Variants in CBFA2T3 observed in about 807,000 individuals in gnomAD.
CBFA2T3 encodes transcriptional corepressor CBFA2T3.
A neutral mutation model predicts 58.6 loss-of-function variants in CBFA2T3; 31 were observed. The observed-to-expected ratio is 0.53, with a 90% CI of 0.40 to 0.71. CBFA2T3 has a LOEUF of 0.71. Ranked by LOEUF, CBFA2T3 falls within the 30% of genes least tolerant of loss-of-function variation. CBFA2T3 has a pLI of 0.00. For missense variants in CBFA2T3, 1,076 were observed against 963.1 expected (o/e 1.12, Z -1.55); for synonymous variants, 531 against 421.9 (o/e 1.26, Z -3.17).
intron 10 of CBFA2T3, chr16:88,879,682 G>A (rs1968987993): frequency 1.9e-6 from 1 of 525,948 alleles, no homozygotes; most frequent in Non-Finnish European, 3.4e-6. Flanking sequence ...TGCCTGTGCA[G>A]ACAAGTGCAT....
intron 1 of CBFA2T3, among the ~76,000 whole-genome samples, chr16:88,929,189 T>G (rs1000181784): frequency 9.9e-5 from 15 of 152,082 alleles, no homozygotes; most frequent in Non-Finnish European, 1.6e-4. Flanking sequence ...TAACTGTTTG[T>G]GGAATCAAAC....
intron 1 of CBFA2T3, among the ~76,000 whole-genome samples, chr16:88,913,207 C>T (rs1296830713): frequency 6.6e-6 from 1 of 152,270 alleles, no homozygotes; most frequent in Non-Finnish European, 1.5e-5. Flanking sequence ...CACTAGCCCT[C>T]TGTGGAGCCC....
chr16:88,877,016 G>T lies in CBFA2T3; in HGVS notation c.1922C>A (p.Ser641Tyr), dbSNP rs1280712947. 1 of 1,478,938 alleles carries T rather than the reference G, an allele frequency of 6.8e-7. No individual in the cohort carries two copies. The highest frequency in any genetic ancestry group is 2.5e-5 in the East Asian group (1 of 39,576). The allele number at this position is 1,478,938 out of a possible 1,614,324, so 91.6% of individuals were successfully genotyped here. Residue 641 changes from serine (S) to tyrosine (Y), a missense_variant, in exon 12 of 12, where the codon TCC becomes TAC. Coordinates refer to ENST00000268679, the MANE Select transcript of CBFA2T3 (RefSeq NM_005187.6). ...GTCCAGTGGGCCAGGTGGGCTGGGG[G>T]AGCCGGGGCGAGAAGGCCCCGCAGA... is the stretch of plus-strand genomic sequence containing the variant. ...AGSAGPSRPG[S>Y]PSPPGPLDTV... is the part of the protein sequence containing the mutation.
chr16:88,963,393 C>A (rs1306958433), intron 1 of CBFA2T3, among the ~76,000 whole-genome samples: 1 of 150,656 alleles, frequency 6.6e-6, no homozygotes, highest in African/African-American at 2.4e-5. Flanking sequence ...ATAAACAGAA[C>A]ATAAAATTTA....
chr16:88,952,243 G>A (rs962235392), intron 1 of CBFA2T3, among the ~76,000 whole-genome samples: 9 of 152,336 alleles, frequency 5.9e-5, no homozygotes, highest in Admixed American at 3.9e-4. Context: ...TGACAAAGCC[G>A]TCTATCATTG....
chr16:88,882,665 T>C lies in CBFA2T3; in HGVS notation c.1203+11A>G. 2.6e-6 allele frequency: 4 copies of C among 1,555,622 alleles called. No homozygotes were observed. Among genetic ancestry groups the C allele is most frequent in the Non-Finnish European group, 3.5e-6 (4 of 1,143,602 alleles). ...ATGGCTGTGTGGGCGTGGCTGTGTG[T>C]GGACACTCACGTTGTTGAGGTGCTT... On this transcript the variant is annotated intron_variant, in intron 8 of 11. Transcript: ENST00000268679.
chr16:88,902,052 C>T (rs753028107), intron 1 of CBFA2T3, among the ~76,000 whole-genome samples: 2 of 152,224 alleles, frequency 1.3e-5, no homozygotes, highest in Non-Finnish European at 2.9e-5. Context: ...AGCCTCTTCC[C>T]CCAGTCCTGA....
At chr16:88,952,486 T>C (rs573653358) in intron 1 of CBFA2T3, among the ~76,000 whole-genome samples, 30 of 151,908 alleles carry the variant, frequency 2.0e-4, no homozygotes, top group Admixed American at 4.6e-4. Flanking sequence ...CCAGTCCTTC[T>C]CCCACGGGGC....
At chr16:88,967,837 C>T (rs1240945033) in intron 1 of CBFA2T3, among the ~76,000 whole-genome samples, 1 of 152,218 alleles carries the variant, frequency 6.6e-6, no homozygotes, top group African/African-American at 2.4e-5. Context: ...ACGCCCCCTG[C>T]CCCGGAGCAG....
At chr16:88,878,918 T>A (rs907851024) in intron 11 of CBFA2T3, among the ~76,000 whole-genome samples, 1 of 152,094 alleles carries the variant, frequency 6.6e-6, no homozygotes, top group South Asian at 2.1e-4. Context: ...AGCAACAAGA[T>A]CACTTCAGTC....
intron 2 of CBFA2T3, 97 bp from the exon 3 acceptor site, chr16:88,898,249 A>G: frequency 2.1e-6 from 2 of 956,814 alleles, no homozygotes; most frequent in Non-Finnish European, 3.3e-6. Context: ...TACTTCTCAG[A>G]GTGATTTTTG....
In CBFA2T3 at chr16:88,977,145, T is replaced by G; in HGVS notation, c.-338A>C. On this transcript the variant is annotated 5_prime_UTR_variant, in exon 1 of 12. Transcript: ENST00000268679. ...GGAGGCCTGCAGCTGCGCCCGCCAC[T>G]TCCCTGACAGGAACCATCTGGGGCC... The G allele has an allele frequency of 3.2e-6, 1 of 310,166 alleles. No homozygotes were observed. The highest frequency in any genetic ancestry group is 6.1e-6 in the Non-Finnish European group (1 of 164,552). 19.2% of individuals were successfully genotyped at this position (310,166 alleles called of 1,614,324 possible). A position where few individuals can be genotyped will look rare whatever the true frequency, so the allele number is the denominator to read the frequency against.
At chr16:88,905,217 C>G (rs1597704527) in intron 1 of CBFA2T3, among the ~76,000 whole-genome samples, 1 of 152,070 alleles carries the variant, frequency 6.6e-6, no homozygotes, top group Non-Finnish European at 1.5e-5. Context: ...TCGTCTCTCT[C>G]CTGCTTAATA....
intron 1 of CBFA2T3, among the ~76,000 whole-genome samples, chr16:88,948,525 G>A (rs531487520): frequency 8.5e-5 from 13 of 152,328 alleles, no homozygotes; most frequent in Non-Finnish European, 1.8e-4. Flanking sequence ...AGACCCTCCC[G>A]GAGGCAGGGA....
At chr16:88,974,068 T>C (rs1972726035) in intron 1 of CBFA2T3, among the ~76,000 whole-genome samples, 1 of 152,154 alleles carries the variant, frequency 6.6e-6, no homozygotes, top group African/African-American at 2.4e-5. Context: ...CACATGGCAC[T>C]GAAACTTCTC....
In CBFA2T3 at chr16:88,961,941, G is replaced by A. The variant is rs181846442; in HGVS notation, c.151+14716C>T. ...TGGGCATTCCCACTCCATAGTAACC[G>A]ACACTCAGCGCTGGGCATTCCCACT... On this transcript the variant is annotated intron_variant, in intron 1 of 11. Coordinates refer to ENST00000268679, the MANE Select transcript of CBFA2T3 (RefSeq NM_005187.6). Among the ~76,000 whole-genome samples, 22 of 144,376 alleles carry A rather than the reference G, an allele frequency of 1.5e-4. No homozygotes were observed. In the East Asian group the frequency reaches 3.5e-3, roughly 23 times the overall value. The allele number at this position is 144,376 out of a possible 152,430, so 94.7% of individuals were successfully genotyped here. A position where few individuals can be genotyped will look rare whatever the true frequency, so the allele number is the denominator to read the frequency against.
chr16:88,881,257 G>C (rs142010820), intron 9 of CBFA2T3, 34 bp downstream of exon 9: 18,091 of 1,568,674 alleles, frequency 0.012, 140 homozygotes, highest in East Asian at 0.026. Flanking sequence ...AGAGCACCCC[G>C]TGTCTGCTCC....
chr16:88,933,265 T>A (rs954711236), intron 1 of CBFA2T3, among the ~76,000 whole-genome samples: 5 of 151,996 alleles, frequency 3.3e-5, no homozygotes, highest in African/African-American at 4.8e-5. Context: ...CGCCTCACAG[T>A]GCCACACGTC....
At chr16:88,917,829 CGAG>C in intron 1 of CBFA2T3, among the ~76,000 whole-genome samples, 1 of 152,254 alleles carries the variant, frequency 6.6e-6, no homozygotes, top group Non-Finnish European at 1.5e-5. Context: ...TGCGTGAAGA[CGAG>C]AGTGTGGGTG....
Sources: allele counts gnomAD v4.1 joint callset (sites outside exome capture counted in the v4.1 genomes callset), GRCh38; gene constraint gnomAD v4.1.1; transcripts MANE v1.5; gene names NCBI Gene and HGNC (gene_info 2026-07-23, HGNC 2026-07-21).